FAM114A1: variants seen among roughly 807,000 people sequenced by gnomAD.
FAM114A1 encodes family with sequence similarity 114 member A1, also known as protein NOXP20.
Under a neutral mutation model 64.3 loss-of-function variants are expected in FAM114A1, and 62 were observed. The observed-to-expected ratio is 0.96, with a 90% confidence interval of 0.79 to 1.19. FAM114A1 has a LOEUF of 1.19. Among genes scored for constraint, FAM114A1 ranks in the 50% most tolerant of loss-of-function variants. FAM114A1 has a pLI of 0.00. For synonymous variants in FAM114A1, 254 were observed against 251.1 expected (o/e 1.01, Z -0.11); for missense variants, 645 against 676.3 (o/e 0.95, Z 0.51).
rs534348126 is a variant in FAM114A1, at chr4:38,934,395, T to TTGGA, written c.1464-1315_1464-1312dup. ...TCTTGGCCCTTTCTGCAGACAATTT[T>TTGGA]TGGATGGATGGGTGGGTGGGTGGAT... is the stretch of plus-strand genomic sequence containing the variant. On this transcript the variant is annotated intron_variant, in intron 12 of 14. Transcript: ENST00000358869. Among the ~76,000 whole-genome samples the TTGGA allele has an allele frequency of 3.6e-3, 550 of 152,186 alleles. 2 individuals carry two copies. Among genetic ancestry groups the TTGGA allele is most frequent in the South Asian group, 0.016 (79 of 4,828 alleles).
chr4:38,936,133 C>CCCA (rs771246644), intron 13 of FAM114A1, among the ~76,000 whole-genome samples: 4 of 149,984 alleles, frequency 2.7e-5, no homozygotes, highest in South Asian at 4.2e-4. Context: ...TGCTCTGGTG[C>CCCA]CCAGGCTGGG....
At chr4:38,923,658 A>G (rs148661808) in intron 9 of FAM114A1, among the ~76,000 whole-genome samples, 1 of 152,320 alleles carries the variant, frequency 6.6e-6, no homozygotes, top group East Asian at 1.9e-4. Flanking sequence ...GAGTTCGGGT[A>G]TATTTGCAGG....
At chr4:38,926,852 C>T (rs942923315) in intron 9 of FAM114A1, among the ~76,000 whole-genome samples, 4 of 152,184 alleles carry the variant, frequency 2.6e-5, no homozygotes, top group Non-Finnish European at 5.9e-5. Flanking sequence ...TTCTTGAAGG[C>T]TCTGTTCAGG....
At chr4:38,872,904 A>T (rs1176756996) in intron 2 of FAM114A1, among the ~76,000 whole-genome samples, 1 of 152,362 alleles carries the variant, frequency 6.6e-6, no homozygotes, top group East Asian at 1.9e-4. Context: ...CAGGCAGAGG[A>T]CAAGAGTTGG....
At chr4:38,907,449 A>T (rs1718131886) in intron 6 of FAM114A1, among the ~76,000 whole-genome samples, 4 of 152,100 alleles carry the variant, frequency 2.6e-5, no homozygotes. Context: ...CTTAACACAA[A>T]TCCCTGTGTC....
At position 38,868,522 on chromosome 4, in the gene FAM114A1, G is replaced by C. The variant is rs1040194189; in HGVS notation, c.-33G>C. The C allele has an allele frequency of 6.6e-6, 1 of 152,620 alleles. No individual in the cohort carries two copies. Among genetic ancestry groups the C allele is most frequent in the Non-Finnish European group, 1.5e-5 (1 of 68,368 alleles). 9.5% of individuals were successfully genotyped at this position (152,620 alleles called of 1,614,324 possible). ...ATCCCCAGGCCCCCTCCACCCAGTCGGCTAGCCCTCGCCTCTGCCATCCGG... is the reference window on the plus strand; with the variant it reads ...ATCCCCAGGCCCCCTCCACCCAGTCCGCTAGCCCTCGCCTCTGCCATCCGG... On this transcript the variant is annotated 5_prime_UTR_variant, in exon 2 of 15. Coordinates refer to ENST00000358869, the MANE Select transcript of FAM114A1 (RefSeq NM_138389.4).
intron 4 of FAM114A1, among the ~76,000 whole-genome samples, chr4:38,899,029 A>G (rs1717245923): frequency 9.1e-6 from 1 of 109,738 alleles, no homozygotes; most frequent in Admixed American, 8.7e-5. Flanking sequence ...TATATGTTAT[A>G]TATATATATA....
At chr4:38,895,186 G>T (rs1716803936) in intron 4 of FAM114A1, among the ~76,000 whole-genome samples, 1 of 152,196 alleles carries the variant, frequency 6.6e-6, no homozygotes, top group Non-Finnish European at 1.5e-5. Flanking sequence ...TGCTCAGCTG[G>T]CACCTCTGCT....
intron 9 of FAM114A1, among the ~76,000 whole-genome samples, chr4:38,928,094 A>G (rs1210612134): frequency 6.6e-6 from 1 of 152,244 alleles, no homozygotes; most frequent in Non-Finnish European, 1.5e-5. Context: ...AAGCTATGCC[A>G]GGCTATCTTC....
chr4:38,935,963 C>T (rs1272757902), intron 13 of FAM114A1, among the ~76,000 whole-genome samples, 173 bp downstream of exon 13: 1 of 152,170 alleles, frequency 6.6e-6, no homozygotes. Context: ...TTAGGACTCT[C>T]CTGACTGGGT....
intron 2 of FAM114A1, among the ~76,000 whole-genome samples, chr4:38,869,935 C>T (rs1713862375): frequency 6.6e-6 from 1 of 152,164 alleles, no homozygotes; most frequent in African/African-American, 2.4e-5. Flanking sequence ...TTATGAAAAA[C>T]TTGCAATCTT....
intron 1 of FAM114A1, 180 bp downstream of exon 1, chr4:38,868,014 C>A: frequency 2.4e-6 from 1 of 420,240 alleles, no homozygotes; most frequent in Non-Finnish European, 4.8e-6. Flanking sequence ...GGGTGAGGGT[C>A]TGGGGCGGCG....
intron 4 of FAM114A1, among the ~76,000 whole-genome samples, chr4:38,904,564 A>G (rs760604329): frequency 3.9e-5 from 6 of 152,112 alleles, no homozygotes; most frequent in South Asian, 2.1e-4. Flanking sequence ...GTTGATTTAT[A>G]TCATTATTAA....
At position 38,891,758 on chromosome 4, in the gene FAM114A1, C is replaced by T; in HGVS notation, c.364C>T (p.Pro122Ser). Residue 122 changes from proline to serine, a missense_variant, in exon 4 of 15, where the codon CCA becomes TCA. Coordinates refer to ENST00000358869, the MANE Select transcript of FAM114A1 (RefSeq NM_138389.4). ...TTTTCTCCAGGCTGTGGATTCCCCT[C>T]CAAGTGGAGGAGGATGGGCAGGCTG... is the stretch of plus-strand genomic sequence containing the variant. Reference protein sequence around the residue: ...EQNYLAVDSPPSGGGWAGWGS... With the variant: ...EQNYLAVDSPSSGGGWAGWGS... The T allele has an allele frequency of 6.2e-7, 1 of 1,609,728 alleles. No individual in the cohort carries two copies. Among genetic ancestry groups the T allele is most frequent in the South Asian group, 1.1e-5 (1 of 90,410 alleles).
intron 3 of FAM114A1, among the ~76,000 whole-genome samples, chr4:38,879,991 A>G (rs1715046047): frequency 6.6e-6 from 1 of 151,936 alleles, no homozygotes; most frequent in Non-Finnish European, 1.5e-5. Context: ...ACCTGAACCC[A>G]GGTGGTCAAG....
chr4:38,876,169 C>CTTTTTTTTTTT (rs1163508013), intron 2 of FAM114A1, among the ~76,000 whole-genome samples: 3 of 69,078 alleles, frequency 4.3e-5, no homozygotes, highest in African/African-American at 6.7e-5. Context: ...ATTCTTTTTT[C>CTTTTTTTTTTT]TTTTTTTTTT....
chr4:38,873,402 A>T (rs1467351357), intron 2 of FAM114A1, among the ~76,000 whole-genome samples: 1 of 152,212 alleles, frequency 6.6e-6, no homozygotes, highest in African/African-American at 2.4e-5. Flanking sequence ...ATATTAATCT[A>T]ACTCAACAGG....
intron 2 of FAM114A1, among the ~76,000 whole-genome samples, chr4:38,876,252 C>G (rs1276927878): frequency 6.6e-6 from 1 of 150,656 alleles, no homozygotes; most frequent in Non-Finnish European, 1.5e-5. Flanking sequence ...TCACTGCAAC[C>G]TCCACCCCCC....
intron 6 of FAM114A1, among the ~76,000 whole-genome samples, chr4:38,908,332 T>A (rs923688428): frequency 2.6e-5 from 4 of 152,174 alleles, no homozygotes; most frequent in Non-Finnish European, 5.9e-5. Context: ...CTTTGTGGGA[T>A]TAATTTTATT....
Sources: gnomAD v4.1 joint callset for allele counts (sites outside exome capture counted in the v4.1 genomes callset) on GRCh38, gnomAD v4.1.1 for gene constraint, MANE v1.5 for transcripts, NCBI Gene and HGNC (gene_info 2026-07-23, HGNC 2026-07-21) for gene names.